FGF14: variants seen among roughly 807,000 people sequenced by gnomAD.
FGF14 encodes the protein fibroblast growth factor 14, also known as fibroblast growth factor homologous factor 4.
In FGF14, 5 loss-of-function variants were observed where a neutral mutation model predicts 25.5. That is an observed-to-expected ratio of 0.20 (90% confidence interval 0.10 to 0.41). The LOEUF (loss-of-function observed/expected upper bound fraction) is 0.41, where lower values mean the gene tolerates loss of function less well. Among genes scored for constraint, FGF14 ranks in the 10% least tolerant of loss-of-function variants. The probability of loss-of-function intolerance (pLI) is 1.00; values close to 1 mark genes in which losing one functional copy is unlikely to be tolerated. For synonymous variants in FGF14, 138 were observed against 118.3 expected, an observed-to-expected ratio of 1.17 and a Z score of -1.08; for missense variants, 222 against 320.1, an observed-to-expected ratio of 0.69 and a Z score of 2.34.
At chr13:102,360,554 G>A in intron 1 of FGF14, among the ~76,000 whole-genome samples, 1 of 152,018 alleles carries the variant, frequency 6.6e-6, no homozygotes, top group East Asian at 1.9e-4. Context: ...CTAGCTACTT[G>A]GTAAAATGAT....
chr13:101,759,509 TTC>T (rs2037873295), intron 3 of FGF14, among the ~76,000 whole-genome samples: 1 of 152,270 alleles, frequency 6.6e-6, no homozygotes, highest in East Asian at 1.9e-4. Flanking sequence ...TTCATACAGA[TTC>T]TCTGAGTGCC....
At chr13:102,138,108 C>T (rs1287664430) in intron 1 of FGF14, among the ~76,000 whole-genome samples, 1 of 150,968 alleles carries the variant, frequency 6.6e-6, no homozygotes, top group South Asian at 2.1e-4. Context: ...CGGGACTCAT[C>T]CTTTTCATTG....
intron 1 of FGF14, among the ~76,000 whole-genome samples, chr13:102,270,787 T>C (rs1481789938): frequency 6.6e-6 from 1 of 152,208 alleles, no homozygotes; most frequent in Non-Finnish European, 1.5e-5. Flanking sequence ...TTATTGATTA[T>C]TATGAATTCA....
chr13:102,050,564 A>C (rs2042174111), intron 1 of FGF14, among the ~76,000 whole-genome samples: 1 of 152,202 alleles, frequency 6.6e-6, no homozygotes, highest in African/African-American at 2.4e-5. Flanking sequence ...ATTAATTAAT[A>C]AATCTACAGA....
chr13:101,803,793 G>C (rs758953979), intron 3 of FGF14, among the ~76,000 whole-genome samples: 2 of 152,156 alleles, frequency 1.3e-5, no homozygotes, highest in Non-Finnish European at 2.9e-5. Context: ...GAGGAAGCCA[G>C]GTTTTGGGCG....
intron 1 of FGF14, among the ~76,000 whole-genome samples, chr13:101,959,622 C>G (rs1341998307): frequency 6.6e-6 from 1 of 152,176 alleles, no homozygotes; most frequent in East Asian, 1.9e-4. Context: ...CTACTGAAAC[C>G]CTGTTCACCT....
In FGF14 at chr13:102,161,638, A is replaced by AAGAAGG. The variant is rs2047720365; in HGVS notation, c.208+239832_208+239833insCCTTCT. ...GAAGAAGAAGAAGAAGAAGAAGAAG[A>AAGAAGG]AGAAGAAGAAGAAGAAGAAGAAGAA... On this transcript the variant is annotated intron_variant, in intron 1 of 4. Coordinates refer to the FGF14 transcript ENST00000376131. 4.3e-4 allele frequency among the ~76,000 whole-genome samples: 5 copies of AAGAAGG among 11,584 alleles called. 1 individual carries two copies. Among genetic ancestry groups the AAGAAGG allele is most frequent in the Non-Finnish European group, 8.1e-4 (5 of 6,154 alleles). 7.6% of individuals were successfully genotyped at this position (11,584 alleles called of 152,430 possible).
chr13:102,234,571 T>C (rs2051241606), intron 1 of FGF14, among the ~76,000 whole-genome samples: 3 of 152,224 alleles, frequency 2.0e-5, no homozygotes, highest in Admixed American at 1.3e-4. Context: ...TGCATTTTAC[T>C]ATAATTAAAA....
chr13:101,933,496 G>C (rs922557372), intron 1 of FGF14, among the ~76,000 whole-genome samples: 1 of 152,178 alleles, frequency 6.6e-6, no homozygotes, highest in African/African-American at 2.4e-5. Context: ...GGCTGAGACA[G>C]GAGGATCACT....
intron 1 of FGF14, among the ~76,000 whole-genome samples, chr13:102,272,014 T>G (rs550395598): frequency 1.3e-5 from 2 of 152,112 alleles, no homozygotes; most frequent in Non-Finnish European, 2.9e-5. Context: ...TGGCTTCCAG[T>G]TGCAAAAAAA....
chr13:102,156,720 T>A (rs1171884219), intron 1 of FGF14, among the ~76,000 whole-genome samples: 1 of 152,144 alleles, frequency 6.6e-6, no homozygotes, highest in African/African-American at 2.4e-5. Context: ...GAAGTCAAAT[T>A]GTCCCTGTTT....
chr13:101,795,153 T>G (rs2040446239), intron 3 of FGF14, among the ~76,000 whole-genome samples: 1 of 152,148 alleles, frequency 6.6e-6, no homozygotes, highest in Admixed American at 6.6e-5. Context: ...ACCACTATTT[T>G]GCCAAAGCAG....
chr13:102,143,992 G>A lies in FGF14; in HGVS notation c.208+257479C>T, dbSNP rs557517034. On this transcript the variant is annotated intron_variant, in intron 1 of 4. Transcript: ENST00000376131. ...ATGAGAAATGCCCTCAAATTTTAAA[G>A]CCAAAATATGACACAGCACGCATAT... Among the ~76,000 whole-genome samples the A allele has an allele frequency of 3.9e-5, 6 of 152,094 alleles. No individual in the cohort carries two copies. In the South Asian group the frequency reaches 1.2e-3, roughly 32 times the overall value.
chr13:102,139,598 G>T (rs189029928), intron 1 of FGF14, among the ~76,000 whole-genome samples: 1 of 152,050 alleles, frequency 6.6e-6, no homozygotes. Context: ...TGCTGTGGAG[G>T]GGGGGATGGC....
chr13:101,763,488 T>C (rs1293683252), intron 3 of FGF14, among the ~76,000 whole-genome samples: 1 of 152,214 alleles, frequency 6.6e-6, no homozygotes, highest in Non-Finnish European at 1.5e-5. Flanking sequence ...ACTTTGTGTG[T>C]GGAGACATCA....
Position 101,726,828 on chromosome 13 carries a change from A to C in FGF14, c.409-18T>G. On this transcript the variant is annotated intron_variant, in intron 3 of 4. Coordinates refer to ENST00000376143, the MANE Select transcript of FGF14 (RefSeq NM_004115.4). ...AAAAGTTCCTGTGGAGAGAAAATGA[A>C]ACAAAAGTTAGAGGAAGGAACTTGA... The C allele has an allele frequency of 6.4e-7, 1 of 1,573,108 alleles. No individual in the cohort carries two copies. The highest frequency in any genetic ancestry group is 8.7e-7 in the Non-Finnish European group (1 of 1,151,674).
At chr13:101,755,664 A>G (rs757490539) in intron 3 of FGF14, among the ~76,000 whole-genome samples, 1 of 152,224 alleles carries the variant, frequency 6.6e-6, no homozygotes, top group Non-Finnish European at 1.5e-5. Context: ...CAGGACTGTC[A>G]TATCTTATCA....
At chr13:102,224,722 T>C (rs1203231611) in intron 1 of FGF14, among the ~76,000 whole-genome samples, 2 of 152,340 alleles carry the variant, frequency 1.3e-5, no homozygotes, top group East Asian at 3.9e-4. Flanking sequence ...TACTACATAA[T>C]GTATTTCCAT....
intron 3 of FGF14, among the ~76,000 whole-genome samples, chr13:101,738,453 T>G (rs141547298): frequency 1.8e-3 from 277 of 152,284 alleles, no homozygotes; most frequent in African/African-American, 6.3e-3. Context: ...TTCTCTTGGT[T>G]TTGCTTTATT....
Sources: gnomAD v4.1 joint callset for allele counts (sites outside exome capture counted in the v4.1 genomes callset) on GRCh38, gnomAD v4.1.1 for gene constraint, MANE v1.5 for transcripts, NCBI Gene and HGNC (gene_info 2026-07-23, HGNC 2026-07-21) for gene names.